Variants in TERT observed in about 807,000 individuals in gnomAD.
The protein encoded by TERT is telomerase catalytic subunit.
Under a neutral mutation model 104.0 loss-of-function variants are expected in TERT, and 42 were observed. That is an observed-to-expected ratio of 0.40 (90% CI 0.32 to 0.52). The LOEUF is 0.52. Among genes scored for constraint, TERT ranks in the 20% least tolerant of loss-of-function variants. The pLI is 0.43. For synonymous variants in TERT, 781 were observed against 725.6 expected, an observed-to-expected ratio of 1.08 and a Z score of -1.23; for missense variants, 1,101 against 1,610.3, an observed-to-expected ratio of 0.68 and a Z score of 5.41.
chr5:1,270,911 C>T lies in TERT; in HGVS notation c.2468+208G>A, dbSNP rs955034954. Among the ~76,000 whole-genome samples the T allele has an allele frequency of 6.6e-6, 1 of 152,210 alleles. No homozygotes were observed. Among genetic ancestry groups the T allele is most frequent in the Non-Finnish European group, 1.5e-5 (1 of 68,026 alleles). On this transcript the variant is annotated intron_variant, in intron 8 of 15. Coordinates refer to ENST00000310581, the MANE Select transcript of TERT (RefSeq NM_198253.3). The surrounding 1 kb of genome is among the most constrained non-coding windows in gnomAD (Gnocchi z 8.3). ...ATTTCCAGGCCTCGTGTGGCACCTG[C>T]TCCGCTCCGGCTGCCGCAAGCCGAG...
At position 1,258,529 on chromosome 5, in the gene TERT, C is replaced by T. The variant is rs186849858; in HGVS notation, c.3032+69G>A. On this transcript the variant is annotated intron_variant, in intron 13 of 15. Transcript: ENST00000310581. ...ACCCAGGAGTTCCAAGGTGAAGCCCCGGGTCAGAGGTGAGCAGAGCGCGGA... is the reference window on the plus strand; with the variant it reads ...ACCCAGGAGTTCCAAGGTGAAGCCCTGGGTCAGAGGTGAGCAGAGCGCGGA... The T allele has an allele frequency of 5.9e-5, 84 of 1,418,264 alleles. No homozygotes were observed. The African/African-American group carries it at 6.5e-4, about 11-fold the overall frequency. The allele number at this position is 1,418,264 out of a possible 1,614,324, so 87.9% of individuals were successfully genotyped here.
At chr5:1,284,417 G>A (rs13188694) in intron 2 of TERT, among the ~76,000 whole-genome samples, 3 of 138,724 alleles carry the variant, frequency 2.2e-5, no homozygotes, top group Non-Finnish European at 3.1e-5. Context: ...TCCGGACACC[G>A]CATATCCAGC....
In TERT at chr5:1,260,606, A is replaced by C. The variant is rs747472604; in HGVS notation, c.2844-6T>G. 5 of 1,613,636 alleles carry C rather than the reference A, an allele frequency of 3.1e-6. No homozygotes were observed. The highest frequency in any genetic ancestry group is 2.5e-6 in the Non-Finnish European group (3 of 1,179,890). On this transcript the variant is annotated splice_polypyrimidine_tract_variant and splice_region_variant and intron_variant, in intron 11 of 15. Transcript: ENST00000310581. ...TGATGGAGGTCCGGGCATAGCTGAG[A>C]CACAGGGGGGAATGTCAGACACAGG...
In TERT at chr5:1,279,368, C is replaced by T. The variant is rs1579575848; in HGVS notation, c.2053G>A (p.Asp685Asn). Residue 685 changes from aspartate to asparagine, a missense_variant, in exon 5 of 16, where the codon GAT (aspartate) becomes AAT (asparagine). Physicochemically the swap from Asp to Asn is conservative, Grantham distance 23. Around this residue, in one of 5 missense-constraint regions of TERT, gnomAD observed 463 missense variants for 797.5 expected, o/e 0.58. Transcript: ENST00000310581. ...AAGGTGCGCCAGGCCCTGTGGATAT[C>T]GTCCAGGCCCAGCACAGAGGCGCCC... is the stretch of plus-strand genomic sequence containing the variant. ...LLGASVLGLD[D>N]IHRAWRTFVL... 1 of 1,569,050 alleles carries T rather than the reference C, an allele frequency of 6.4e-7. No homozygotes were observed. The highest frequency in any genetic ancestry group is 8.6e-7 in the Non-Finnish European group (1 of 1,159,256).
chr5:1,271,725 G>C (rs765172746), intron 7 of TERT, among the ~76,000 whole-genome samples: 1 of 152,218 alleles, frequency 6.6e-6, no homozygotes, highest in African/African-American at 2.4e-5. Flanking sequence ...ACCCAGCACT[G>C]AGAGGCCCGC....
chr5:1,294,175 CCT>C lies in TERT; in HGVS notation c.709_710del (p.Arg237AlafsTer8). ...SASRSLPLPK[R>X]PRRGAAPEPE... ...GCTCAGGGGCAGCGCCACGCCTGGGCCTCTTGGGCAACGGCAGACTTCGGCTG... is the reference window on the plus strand; with the variant it reads ...GCTCAGGGGCAGCGCCACGCCTGGGCCTTGGGCAACGGCAGACTTCGGCTG... On this transcript the variant is annotated frameshift_variant, in exon 2 of 16. Coordinates refer to ENST00000310581, the MANE Select transcript of TERT (RefSeq NM_198253.3). LOFTEE classifies it high-confidence loss of function. 1 of 1,582,522 alleles carries C rather than the reference CCT, an allele frequency of 6.3e-7. No homozygotes were observed. The highest frequency in any genetic ancestry group is 2.3e-5 in the East Asian group (1 of 43,206).
chr5:1,282,395 C>CGA, intron 3 of TERT, 34 bp downstream of exon 3: 5 of 1,609,516 alleles, frequency 3.1e-6, no homozygotes, highest in Non-Finnish European at 4.3e-6. Flanking sequence ...TCCAGGACTT[C>CGA]GAGAAGCAGA....
At position 1,255,426 on chromosome 5, in the gene TERT, G is replaced by C. The variant is rs773503865; in HGVS notation, c.3033-15C>G. 6.2e-7 allele frequency: 1 copy of C among 1,613,904 alleles called. No individual in the cohort carries two copies. Among genetic ancestry groups the C allele is most frequent in the South Asian group, 1.1e-5 (1 of 90,950 alleles). ...ATGCGTGAAACCTGAGAGGATGGCGGACAGCGTCAGAGGAAAGGCCTCCTA... is the reference window on the plus strand; with the variant it reads ...ATGCGTGAAACCTGAGAGGATGGCGCACAGCGTCAGAGGAAAGGCCTCCTA... On this transcript the variant is annotated splice_polypyrimidine_tract_variant and intron_variant, in intron 13 of 15. Transcript: ENST00000310581. This position sits in a 1 kb window ranked among gnomAD's most constrained non-coding sequence, Gnocchi z 6.9.
At chr5:1,267,678 T>A (rs893694040) in intron 9 of TERT, among the ~76,000 whole-genome samples, 4 of 152,210 alleles carry the variant, frequency 2.6e-5, no homozygotes, top group Admixed American at 2.0e-4. Flanking sequence ...GTTCATGTCC[T>A]TTGTAGGGAC....
chr5:1,280,399 A>G, intron 3 of TERT, 61 bp from the exon 4 acceptor site: 1 of 1,558,496 alleles, frequency 6.4e-7, no homozygotes. Context: ...GGGGAAGCTC[A>G]CGGGAAGCCA....
chr5:1,288,263 C>A lies in TERT; in HGVS notation c.1573+5050G>T, dbSNP rs1441107459. Among the ~76,000 whole-genome samples, 4 of 152,108 alleles carry A rather than the reference C, an allele frequency of 2.6e-5. No individual in the cohort carries two copies. Among genetic ancestry groups the A allele is most frequent in the Non-Finnish European group, 5.9e-5 (4 of 68,030 alleles). ...GTTGAGATTACTTCACATCAAAACA[C>A]AGGGTGCAGGTAAGGCAGCACTTAG... On this transcript the variant is annotated intron_variant, in intron 2 of 15. Transcript: ENST00000310581. This position sits in a 1 kb window ranked among gnomAD's most constrained non-coding sequence, Gnocchi z 5.3.
At chr5:1,284,795 C>T (rs1750361476) in intron 2 of TERT, among the ~76,000 whole-genome samples, 1 of 147,874 alleles carries the variant, frequency 6.8e-6, no homozygotes, top group African/African-American at 2.5e-5. Flanking sequence ...ATCCAACTCA[C>T]AGCAGGGCCT....
rs372081008 is a variant in TERT at position 1,266,449 on chromosome 5, C to A, written c.2654+15G>T. The A allele has an allele frequency of 1.2e-6, 2 of 1,601,826 alleles. No individual in the cohort carries two copies. The highest frequency in any genetic ancestry group is 2.3e-5 in the South Asian group (2 of 88,638). On this transcript the variant is annotated intron_variant, in intron 10 of 15. Transcript: ENST00000310581. The stretch of plus-strand genomic sequence containing the variant: ...GGCTGTGGAGGTCCCCACAGACACA[C>A]GGCACGGGCCTCACCTGAGGAAGGT...
rs1748353562 is a variant in TERT, at chr5:1,263,177, G to A, written c.2843+1227C>T. ...TCCCCCATGAAGCAAACCCCAGGGAGCATTCTGGAAAGAGGCAAAGTCCAG... is the reference window on the plus strand; with the variant it reads ...TCCCCCATGAAGCAAACCCCAGGGAACATTCTGGAAAGAGGCAAAGTCCAG... On this transcript the variant is annotated intron_variant, in intron 11 of 15. Coordinates refer to ENST00000310581, the MANE Select transcript of TERT (RefSeq NM_198253.3). The surrounding 1 kb of genome is among the most constrained non-coding windows in gnomAD (Gnocchi z 5.3). Among the ~76,000 whole-genome samples, 1 of 152,176 alleles carries A rather than the reference G, an allele frequency of 6.6e-6. No homozygotes were observed. Among genetic ancestry groups the A allele is most frequent in the African/African-American group, 2.4e-5 (1 of 41,436 alleles).
At position 1,271,177 on chromosome 5, in the gene TERT, C is replaced by T. The variant is rs1749005440; in HGVS notation, c.2410G>A (p.Gly804Ser). The change falls in exon 8 of 16, where the codon GGC (glycine) becomes AGC (serine). Residue 804 changes from glycine to serine, a missense_variant. Gly to Ser is a moderately conservative substitution (Grantham distance 56, BLOSUM62 0). Coordinates refer to ENST00000310581, the MANE Select transcript of TERT (RefSeq NM_198253.3). ...AAGCGTAGGAAGACGTCGAAGAGGC[C>T]ACTGCTGGCCTCATTCAGGGAGGAG... Reference protein sequence around the residue: ...QSSSLNEASSGLFDVFLRFMC... With the variant: ...QSSSLNEASSSLFDVFLRFMC... The T allele has an allele frequency of 6.2e-7, 1 of 1,613,212 alleles. No homozygotes were observed. The highest frequency in any genetic ancestry group is 8.5e-7 in the Non-Finnish European group (1 of 1,180,008).
chr5:1,255,517 T>A lies in TERT; in HGVS notation c.3033-106A>T. 7.2e-7 allele frequency: 1 copy of A among 1,394,048 alleles called. No individual in the cohort carries two copies. The highest frequency in any genetic ancestry group is 1.0e-6 in the Non-Finnish European group (1 of 989,502). The allele number at this position is 1,394,048 out of a possible 1,614,324, so 86.4% of individuals were successfully genotyped here. On this transcript the variant is annotated intron_variant, in intron 13 of 15. Transcript: ENST00000310581. The surrounding 1 kb of genome is among the most constrained non-coding windows in gnomAD (Gnocchi z 6.9). The stretch of plus-strand genomic sequence containing the variant: ...GCCTGTGTGCGTGCATGAATGCACA[T>A]GCATGGGTTTCCTCATGGGCACAGG...
rs1270677753 is a variant in TERT at position 1,294,240 on chromosome 5, G to T, written c.646C>A (p.Leu216Met). ...SVREAGVPLG[L>M]PAPGARRRGG... ...CGCCTCCTCGCACCCGGGGCTGGCA[G>T]GCCCAGGGGGACCCCGGCCTCCCTG... is the stretch of plus-strand genomic sequence containing the variant. The change falls in exon 2 of 16, where the codon CTG becomes ATG. Residue 216 changes from leucine (L) to methionine (M), a missense_variant. Coordinates refer to ENST00000310581, the MANE Select transcript of TERT (RefSeq NM_198253.3). The T allele has an allele frequency of 6.3e-7, 1 of 1,589,380 alleles. No homozygotes were observed. The highest frequency in any genetic ancestry group is 8.5e-7 in the Non-Finnish European group (1 of 1,174,028).
intron 2 of TERT, among the ~76,000 whole-genome samples, chr5:1,290,965 C>A: frequency 7.5e-6 from 1 of 133,898 alleles, no homozygotes; most frequent in Admixed American, 7.2e-5. Flanking sequence ...GACAGGGACA[C>A]CCGGGGACGG....
At position 1,276,865 on chromosome 5, in the gene TERT, A is replaced by C. The variant is rs114500100; in HGVS notation, c.2286+1776T>G. 6.5e-3 allele frequency among the ~76,000 whole-genome samples: 988 copies of C among 152,382 alleles called. 15 individuals are homozygous for C. The highest frequency in any genetic ancestry group is 0.023 in the African/African-American group (944 of 41,582). ...GTGGACTGCGTTACTGGACTGTGTT[A>C]GTGGACTGCGATAGAAGTACAATCT... On this transcript the variant is annotated intron_variant, in intron 6 of 15. Coordinates refer to ENST00000310581, the MANE Select transcript of TERT (RefSeq NM_198253.3).
Sources: allele counts gnomAD v4.1 joint callset (sites outside exome capture counted in the v4.1 genomes callset), GRCh38; gene constraint gnomAD v4.1.1; regional missense constraint gnomAD v4.1.1; non-coding constraint Gnocchi (gnomAD v3.1); transcripts MANE v1.5; gene names NCBI Gene and HGNC (gene_info 2026-07-23, HGNC 2026-07-21).